The following MYO16 variants were observed in gnomAD, a reference collection of about 807,000 sequenced individuals.
MYO16 encodes myosin XVI.
A neutral mutation model predicts 205.3 loss-of-function variants in MYO16; 94 were observed. That is an observed-to-expected ratio of 0.46 (90% CI 0.39 to 0.54). MYO16 has a LOEUF of 0.54. MYO16 is among the 20% of genes least tolerant of loss of function. The probability of loss-of-function intolerance (pLI) is 0.00; values close to 1 mark genes in which losing one functional copy is unlikely to be tolerated. For synonymous variants in MYO16, 988 were observed against 954.0 expected, an observed-to-expected ratio of 1.04 and a Z score of -0.66; for missense variants, 2,315 against 2,387.5, an observed-to-expected ratio of 0.97 and a Z score of 0.63.
At chr13:109,100,069 C>T (rs1277694066) in intron 27 of MYO16, among the ~76,000 whole-genome samples, 1 of 152,210 alleles carries the variant, frequency 6.6e-6, no homozygotes, top group Non-Finnish European at 1.5e-5. Context: ...TCCTCTTCCT[C>T]CTCCTCCATT....
At chr13:109,030,173 A>AAC (rs1342470601) in intron 23 of MYO16, among the ~76,000 whole-genome samples, 1 of 151,652 alleles carries the variant, frequency 6.6e-6, no homozygotes, top group African/African-American at 2.4e-5. Flanking sequence ...GAAAGCAAAA[A>AAC]AAAAAAACTA....
At chr13:108,761,863 T>C (rs947658870) in intron 4 of MYO16, among the ~76,000 whole-genome samples, 8 of 152,244 alleles carry the variant, frequency 5.3e-5, no homozygotes, top group Admixed American at 2.0e-4. Flanking sequence ...AAACATTTTT[T>C]AATTGTATAC....
intron 2 of MYO16, among the ~76,000 whole-genome samples, chr13:108,699,076 GTCTCTCTC>G (rs71791844): frequency 6.8e-6 from 1 of 147,812 alleles, no homozygotes; most frequent in East Asian, 2.0e-4. Context: ...GTCTCTCTCT[GTCTCTCTC>G]TCTCTCTCTC....
intron 9 of MYO16, among the ~76,000 whole-genome samples, chr13:108,834,728 GATAA>G (rs1876813640): frequency 6.6e-6 from 1 of 150,664 alleles, no homozygotes; most frequent in Non-Finnish European, 1.5e-5. Context: ...AACATAATCT[GATAA>G]ATGTTTTTCC....
chr13:108,883,078 G>A lies in MYO16; in HGVS notation c.1445G>A (p.Ser482Asn), dbSNP rs1199342759. Residue 482 changes from serine to asparagine, a missense_variant, in exon 13 of 35, where the codon AGC becomes AAC. Ser to Asn is a conservative substitution (Grantham distance 46, BLOSUM62 1). Coordinates refer to ENST00000457511, the MANE Select transcript of MYO16 (RefSeq NM_001198950.3). The stretch of plus-strand genomic sequence containing the variant: ...TTCCAGGTGTCCCAGCTGTATTTCA[G>A]CTCCTCAGGGAAGCTGTGTTCCTCG... ...YSSMVSQLYF[S>N]SSGKLCSSLP... The A allele has an allele frequency of 6.2e-7, 1 of 1,613,798 alleles. No homozygotes were observed. The highest frequency in any genetic ancestry group is 8.5e-7 in the Non-Finnish European group (1 of 1,179,876).
chr13:109,143,656 G>A (rs1193675613), intron 32 of MYO16, among the ~76,000 whole-genome samples: 1 of 152,206 alleles, frequency 6.6e-6, no homozygotes, highest in Non-Finnish European at 1.5e-5. Flanking sequence ...CTCCTTAGAG[G>A]ATAGTGAGAA....
chr13:109,009,155 T>C lies in MYO16; in HGVS notation c.2595+106T>C, dbSNP rs539789949. Reference sequence around the variant, plus strand: ...GCCTTATTTTTGAGATATCTTTATATGTGAGATTCTGCAATAATTTTTCAA... The same window carrying C: ...GCCTTATTTTTGAGATATCTTTATACGTGAGATTCTGCAATAATTTTTCAA... On this transcript the variant is annotated intron_variant, in intron 22 of 34. Transcript: ENST00000457511. 14 of 871,532 alleles carry C rather than the reference T, an allele frequency of 1.6e-5. No individual in the cohort carries two copies. The East Asian group carries it at 2.2e-4, about 14-fold the overall frequency. The allele number at this position is 871,532 out of a possible 1,614,324, so 54.0% of individuals were successfully genotyped here. A position where few individuals can be genotyped will look rare whatever the true frequency, so the allele number is the denominator to read the frequency against.
At chr13:108,857,298 T>C (rs536538244) in intron 11 of MYO16, among the ~76,000 whole-genome samples, 2 of 152,334 alleles carry the variant, frequency 1.3e-5, no homozygotes, top group African/African-American at 4.8e-5. Context: ...ATCTGGTTCC[T>C]GGGCTGCTCA....
intron 1 of MYO16, among the ~76,000 whole-genome samples, chr13:108,620,529 C>G (rs1394773672): frequency 6.6e-6 from 1 of 152,082 alleles, no homozygotes; most frequent in East Asian, 1.9e-4. Flanking sequence ...TTTTGGGCTT[C>G]TAGGGATGAG....
chr13:108,805,935 A>C (rs1243606027), intron 6 of MYO16, among the ~76,000 whole-genome samples: 1 of 149,848 alleles, frequency 6.7e-6, no homozygotes, highest in Non-Finnish European at 1.5e-5. Context: ...AAAATAAATA[A>C]ATAAATAAAT....
rs370827780 is a variant in MYO16, at chr13:108,913,332, C to T, written c.1925+3182C>T. Among the ~76,000 whole-genome samples the T allele has an allele frequency of 1.4e-3, 217 of 152,282 alleles. 2 individuals carry two copies. The highest frequency in any genetic ancestry group is 0.014 in the Middle Eastern group (4 of 294). On this transcript the variant is annotated intron_variant, in intron 16 of 34. Coordinates refer to ENST00000457511, the MANE Select transcript of MYO16 (RefSeq NM_001198950.3). The stretch of plus-strand genomic sequence containing the variant: ...TTTAACGGTAAAGCAAGCTGTTTTT[C>T]AAGTTATAACATAGTATGTATACAG...
the MYO16 span, among the ~76,000 whole-genome samples, chr13:108,538,066 G>A: frequency 6.6e-6 from 1 of 152,036 alleles, no homozygotes; most frequent in African/African-American, 2.4e-5. Flanking sequence ...GGAGATCTTA[G>A]TAGTAAGTTC....
chr13:109,002,590 A>G (rs1374003070), intron 21 of MYO16, among the ~76,000 whole-genome samples: 1 of 152,172 alleles, frequency 6.6e-6, no homozygotes, highest in Admixed American at 6.5e-5. Context: ...TTTCACCCAC[A>G]TTCACGTCTA....
At chr13:109,157,590 C>A (rs1464734050) in intron 32 of MYO16, among the ~76,000 whole-genome samples, 1 of 152,224 alleles carries the variant, frequency 6.6e-6, no homozygotes, top group Non-Finnish European at 1.5e-5. Context: ...CCCATCCCAG[C>A]CCCCTGGCCC....
At chr13:108,646,106 C>T (rs1566526058) in intron 1 of MYO16, among the ~76,000 whole-genome samples, 1 of 152,154 alleles carries the variant, frequency 6.6e-6, no homozygotes, top group South Asian at 2.1e-4. Flanking sequence ...TTTGTGATCA[C>T]ATGTCTGCAT....
Position 109,140,764 on chromosome 13 carries a change from C to T in MYO16, c.4552C>T (p.Pro1518Ser), listed in dbSNP as rs781188686. 1 of 1,554,482 alleles carries T rather than the reference C, an allele frequency of 6.4e-7. No individual in the cohort carries two copies. Among genetic ancestry groups the T allele is most frequent in the Non-Finnish European group, 8.7e-7 (1 of 1,152,680 alleles). Residue 1518 changes from proline to serine, a missense_variant, in exon 32 of 35, where the codon CCC becomes TCC. Around this residue, in one of 3 missense-constraint regions of MYO16, gnomAD observed 1,097 missense variants for 1,092.0 expected, o/e 1.00. Transcript: ENST00000457511. The surrounding 1 kb of genome is among the most constrained non-coding windows in gnomAD (Gnocchi z 8.0). ...GCACCGGCCGCCCCTGCTGGTGTTC[C>T]CCCCGACCCCCGTCACCTGCTCCCC... Reference protein sequence around the residue: ...LPHRPPLLVFPPTPVTCSPAS... With the variant: ...LPHRPPLLVFSPTPVTCSPAS...
the MYO16 span, among the ~76,000 whole-genome samples, chr13:108,578,942 T>C: frequency 1.3e-5 from 2 of 149,960 alleles, no homozygotes; most frequent in Non-Finnish European, 3.0e-5. Context: ...AATAAATACA[T>C]ATTTATTTTA....
At chr13:108,909,885 A>T (rs1881176246) in intron 15 of MYO16, 118 bp from the exon 16 acceptor site, 3 of 1,051,710 alleles carry the variant, frequency 2.9e-6, no homozygotes, top group Non-Finnish European at 4.1e-6. Flanking sequence ...ATGTAAATAG[A>T]TGGGAAAGGG....
chr13:108,918,314 G>A lies in MYO16; in HGVS notation c.1925+8164G>A, dbSNP rs532569972. ...TCACATAATAAACACATAAATAAAC[G>A]TGTGCACACAACTGCACATGCATAT... is the stretch of plus-strand genomic sequence containing the variant. On this transcript the variant is annotated intron_variant, in intron 16 of 34. Transcript: ENST00000457511. Among the ~76,000 whole-genome samples, 4 of 152,196 alleles carry A rather than the reference G, an allele frequency of 2.6e-5. 1 individual carries two copies. The highest frequency in any genetic ancestry group is 2.1e-4 in the South Asian group (1 of 4,820).
Sources: allele counts gnomAD v4.1 joint callset (sites outside exome capture counted in the v4.1 genomes callset), GRCh38; gene constraint gnomAD v4.1.1; regional missense constraint gnomAD v4.1.1; non-coding constraint Gnocchi (gnomAD v3.1); transcripts MANE v1.5; gene names NCBI Gene and HGNC (gene_info 2026-07-23, HGNC 2026-07-21).